Variants in CPEB3 observed in about 807,000 individuals in gnomAD.
CPEB3 encodes the protein cytoplasmic polyadenylation element-binding protein 3.
Under a neutral mutation model 67.2 loss-of-function variants are expected in CPEB3, and 20 were observed. That is an observed-to-expected ratio of 0.30 (90% CI 0.21 to 0.43). The LOEUF (loss-of-function observed/expected upper bound fraction) is 0.43, where lower values mean the gene tolerates loss of function less well. CPEB3 is among the 20% of genes least tolerant of loss of function. The probability of loss-of-function intolerance (pLI) is 1.00; values close to 1 mark genes in which losing one functional copy is unlikely to be tolerated. For synonymous variants in CPEB3, 376 were observed against 393.1 expected, an observed-to-expected ratio of 0.96 and a Z score of 0.51; for missense variants, 746 against 968.6, an observed-to-expected ratio of 0.77 and a Z score of 3.05.
At chr10:92,078,814 G>A (rs941016212) in intron 9 of CPEB3, among the ~76,000 whole-genome samples, 4 of 152,182 alleles carry the variant, frequency 2.6e-5, no homozygotes, top group South Asian at 2.1e-4. Flanking sequence ...GAGCCTCGCA[G>A]TAGCTGTGAG....
At position 92,162,477 on chromosome 10, in the gene CPEB3, T is replaced by C. The variant is rs535848601; in HGVS notation, c.1223-17392A>G. On this transcript the variant is annotated intron_variant, in intron 4 of 9. Coordinates refer to ENST00000265997, the MANE Select transcript of CPEB3 (RefSeq NM_014912.5). ...ATTACAAATATTTTAGATTAGTTCA[T>C]TGGTTATAAAAATAGTGCAGAAAAT... 1.4e-4 allele frequency among the ~76,000 whole-genome samples: 21 copies of C among 152,284 alleles called. No homozygotes were observed. The South Asian group carries it at 4.1e-3, about 30-fold the overall frequency.
intron 2 of CPEB3, among the ~76,000 whole-genome samples, chr10:92,237,755 C>T (rs1340571946): frequency 1.3e-5 from 2 of 152,144 alleles, no homozygotes; most frequent in African/African-American, 4.8e-5. Flanking sequence ...TCTACCCCCT[C>T]CAAAAATAAG....
intron 4 of CPEB3, among the ~76,000 whole-genome samples, chr10:92,150,433 A>G (rs1047595836): frequency 6.6e-6 from 1 of 152,092 alleles, no homozygotes; most frequent in Non-Finnish European, 1.5e-5. Flanking sequence ...TATTCCGTTA[A>G]TAAATTCAGG....
At chr10:92,236,156 A>G (rs1235835285) in intron 2 of CPEB3, among the ~76,000 whole-genome samples, 1 of 152,220 alleles carries the variant, frequency 6.6e-6, no homozygotes, top group East Asian at 1.9e-4. Flanking sequence ...TTAGCCTAAT[A>G]GAAAACTTCA....
At chr10:92,123,836 G>A (rs930242426) in intron 6 of CPEB3, among the ~76,000 whole-genome samples, 16 of 152,142 alleles carry the variant, frequency 1.1e-4, no homozygotes, top group Non-Finnish European at 2.4e-4. Context: ...AGACTGAAGT[G>A]GGTCCATTCT....
At chr10:92,194,266 CCT>C (rs1216308446) in intron 2 of CPEB3, among the ~76,000 whole-genome samples, 2 of 151,312 alleles carry the variant, frequency 1.3e-5, no homozygotes, top group East Asian at 2.0e-4. Context: ...AAGGTGAAAC[CCT>C]GTCTCTACCG....
chr10:92,266,659 TA>T (rs965670273), intron 1 of CPEB3, among the ~76,000 whole-genome samples: 2 of 150,536 alleles, frequency 1.3e-5, no homozygotes, highest in African/African-American at 2.4e-5. Context: ...AAACAAAAAT[TA>T]AAAAAAAATC....
intron 1 of CPEB3, among the ~76,000 whole-genome samples, chr10:92,285,954 T>G (rs1842507972): frequency 6.6e-6 from 1 of 151,584 alleles, no homozygotes. Context: ...TTTCTTTTTT[T>G]TTTTTTGAGA....
intron 4 of CPEB3, among the ~76,000 whole-genome samples, chr10:92,179,326 T>G (rs1848364907): frequency 6.6e-6 from 1 of 152,128 alleles, no homozygotes; most frequent in African/African-American, 2.4e-5. Flanking sequence ...AAAAATGTCT[T>G]TTAGCTCCAT....
At chr10:92,269,491 A>C (rs889083039) in intron 1 of CPEB3, among the ~76,000 whole-genome samples, 2 of 152,072 alleles carry the variant, frequency 1.3e-5, no homozygotes, top group African/African-American at 4.8e-5. Context: ...TTTTTTATAC[A>C]TGTTGCTGGA....
At chr10:92,200,465 A>G (rs1849467933) in intron 2 of CPEB3, among the ~76,000 whole-genome samples, 1 of 151,450 alleles carries the variant, frequency 6.6e-6, no homozygotes, top group Non-Finnish European at 1.5e-5. Context: ...GAATTGCTTA[A>G]ACCCGGGAGG....
At chr10:92,085,225 G>T (rs962386704) in intron 8 of CPEB3, among the ~76,000 whole-genome samples, 1 of 152,190 alleles carries the variant, frequency 6.6e-6, no homozygotes, top group Non-Finnish European at 1.5e-5. Context: ...CGAGGAAGTC[G>T]AGACTTTCCA....
intron 6 of CPEB3, chr10:92,119,198 A>C (rs1027019641): frequency 2.5e-6 from 4 of 1,582,008 alleles, no homozygotes; most frequent in Non-Finnish European, 3.5e-6. Flanking sequence ...ATTCCTACAC[A>C]TTATTACATT....
At position 92,122,974 on chromosome 10, in the gene CPEB3, C is replaced by T. The variant is rs139352896; in HGVS notation, c.1454-11780G>A. Among the ~76,000 whole-genome samples, 6 of 152,326 alleles carry T rather than the reference C, an allele frequency of 3.9e-5. No homozygotes were observed. In the East Asian group the frequency reaches 9.6e-4, roughly 24 times the overall value. On this transcript the variant is annotated intron_variant, in intron 6 of 9. Coordinates refer to ENST00000265997, the MANE Select transcript of CPEB3 (RefSeq NM_014912.5). ...CTTTAACAATATTTACTGTGTGAGG[C>T]TGAGACTTGATTCTAGCCTGTTTTG...
At chr10:92,085,252 C>A (rs1417459528) in intron 8 of CPEB3, among the ~76,000 whole-genome samples, 3 of 152,296 alleles carry the variant, frequency 2.0e-5, no homozygotes, top group East Asian at 1.9e-4. Flanking sequence ...TTTTTATTTT[C>A]TTTCCCATCC....
intron 2 of CPEB3, among the ~76,000 whole-genome samples, chr10:92,212,709 T>C (rs1266826353): frequency 1.3e-5 from 2 of 152,322 alleles, no homozygotes; most frequent in East Asian, 3.9e-4. Context: ...ATCTCATTAA[T>C]AATTTTTGTA....
At chr10:92,173,616 CA>C (rs1848102112) in intron 4 of CPEB3, among the ~76,000 whole-genome samples, 1 of 152,030 alleles carries the variant, frequency 6.6e-6, no homozygotes, top group Admixed American at 6.6e-5. Context: ...GTTTCTAAAG[CA>C]AAAGGTACCA....
chr10:92,134,832 TAGAAC>T (rs1326866143), intron 6 of CPEB3, among the ~76,000 whole-genome samples: 9 of 151,610 alleles, frequency 5.9e-5, no homozygotes, highest in Non-Finnish European at 1.0e-4. Context: ...ACCAATGGAA[TAGAAC>T]AGAGGCCTCA....
chr10:92,226,235 C>T (rs532702135), intron 2 of CPEB3, among the ~76,000 whole-genome samples: 2 of 152,282 alleles, frequency 1.3e-5, no homozygotes, highest in South Asian at 4.1e-4. Flanking sequence ...GAAGACTTTC[C>T]TAGAGGCTTC....
Sources: gnomAD v4.1 joint callset for allele counts (sites outside exome capture counted in the v4.1 genomes callset) on GRCh38, gnomAD v4.1.1 for gene constraint, MANE v1.5 for transcripts, NCBI Gene and HGNC (gene_info 2026-07-23, HGNC 2026-07-21) for gene names.